PRKCZ: variants seen among roughly 807,000 people sequenced by gnomAD.
PRKCZ encodes the protein protein kinase C zeta type.
A neutral mutation model predicts 79.5 loss-of-function variants in PRKCZ; 33 were observed. That is an observed-to-expected ratio of 0.41 (90% CI 0.31 to 0.55). The LOEUF (loss-of-function observed/expected upper bound fraction) is 0.55. Among genes scored for constraint, PRKCZ ranks in the 20% least tolerant of loss-of-function variants. The pLI is 0.19. For missense variants in PRKCZ, 578 were observed against 813.5 expected (o/e 0.71, Z 3.52); for synonymous variants, 342 against 320.9 (o/e 1.07, Z -0.70).
At chr1:2,055,884 C>A in intron 2 of PRKCZ, 1 of 264,568 alleles carries the variant, frequency 3.8e-6, no homozygotes. Context: ...TCGGTAGGTG[C>A]TTCTGAAAGG....
At chr1:2,078,415 T>G (rs956087624) in intron 4 of PRKCZ, among the ~76,000 whole-genome samples, 2 of 152,230 alleles carry the variant, frequency 1.3e-5, no homozygotes, top group African/African-American at 4.8e-5. Flanking sequence ...TCTTCTGGCT[T>G]CTTGTGTGAC....
At chr1:2,050,223 C>G (rs1323170121), upstream of PRKCZ, among the ~76,000 whole-genome samples, 2 of 151,888 alleles carry the variant, frequency 1.3e-5, no homozygotes, top group African/African-American at 4.8e-5. Context: ...CGCCGCGCCC[C>G]GCCCAACAGG....
In PRKCZ at chr1:2,062,482, CT is replaced by C. The variant is rs61178553; in HGVS notation, c.334+2909del. Among the ~76,000 whole-genome samples the C allele has an allele frequency of 7.4e-3, 986 of 133,874 alleles. 1 individual carries two copies. The highest frequency in any genetic ancestry group is 0.024 in the East Asian group (108 of 4,418). The allele number at this position is 133,874 out of a possible 152,430, so 87.8% of individuals were successfully genotyped here. On this transcript the variant is annotated intron_variant, in intron 4 of 17. Coordinates refer to ENST00000378567, the MANE Select transcript of PRKCZ (RefSeq NM_002744.6). ...ATAACATCTATTTTTGCCATCTTAA[CT>C]TTTTTTTTTTTTTTTTTGGCAGAGG... is the stretch of plus-strand genomic sequence containing the variant.
chr1:2,069,220 C>T (rs1661368067), intron 4 of PRKCZ, among the ~76,000 whole-genome samples: 2 of 152,168 alleles, frequency 1.3e-5, no homozygotes, highest in African/African-American at 4.8e-5. Flanking sequence ...AAACTGAGAT[C>T]CTCTAGCCTT....
intron 4 of PRKCZ, among the ~76,000 whole-genome samples, chr1:2,068,815 T>C (rs1166398633): frequency 3.3e-5 from 5 of 152,298 alleles, no homozygotes; most frequent in African/African-American, 9.6e-5. Flanking sequence ...GCGCTGGTCA[T>C]TGGGACCATG....
chr1:2,088,660 C>G (rs1358857439), intron 4 of PRKCZ, among the ~76,000 whole-genome samples: 8 of 152,324 alleles, frequency 5.3e-5, no homozygotes, highest in African/African-American at 1.9e-4. Context: ...CTTTCTAGGT[C>G]AGGCTGTGGG....
chr1:2,157,981 G>A (rs1165580796), intron 10 of PRKCZ, among the ~76,000 whole-genome samples: 3 of 152,212 alleles, frequency 2.0e-5, no homozygotes, highest in African/African-American at 7.2e-5. Flanking sequence ...CTGCTGCTCG[G>A]TTCTTAGCTG....
At chr1:2,176,983 C>T (rs956569131) in intron 16 of PRKCZ, among the ~76,000 whole-genome samples, 7 of 152,224 alleles carry the variant, frequency 4.6e-5, no homozygotes, top group African/African-American at 1.4e-4. Context: ...GAATCACCTT[C>T]GCAAATTCTT....
In PRKCZ at chr1:2,113,936, C is replaced by T. The variant is rs561080827; in HGVS notation, c.335-21326C>T. On this transcript the variant is annotated intron_variant, in intron 4 of 17. Coordinates refer to ENST00000378567, the MANE Select transcript of PRKCZ (RefSeq NM_002744.6). The stretch of plus-strand genomic sequence containing the variant: ...TGGGAGTGTAGAGAGGGCGGGGGCC[C>T]AGCCCACAGCATCCATGCCCTGGGG... Among the ~76,000 whole-genome samples, 175 of 152,164 alleles carry T rather than the reference C, an allele frequency of 1.2e-3. 2 individuals are homozygous for T. The highest frequency in any genetic ancestry group is 4.0e-3 in the African/African-American group (167 of 41,488).
chr1:2,147,289 CATCT>C (rs1054484251), intron 7 of PRKCZ, among the ~76,000 whole-genome samples: 8 of 149,532 alleles, frequency 5.4e-5, no homozygotes, highest in Non-Finnish European at 8.9e-5. Flanking sequence ...CCTCTCCACC[CATCT>C]ATCTGTTGTC....
In PRKCZ at chr1:2,082,982, C is replaced by T. The variant is rs988219257; in HGVS notation, c.334+23391C>T. Reference sequence around the variant, plus strand: ...GGCACAGGTGAAGGACAGGTGTCCACACCTTGGGTGCCCCCGTCCTCCCTC... The same window carrying T: ...GGCACAGGTGAAGGACAGGTGTCCATACCTTGGGTGCCCCCGTCCTCCCTC... On this transcript the variant is annotated intron_variant, in intron 4 of 17. Transcript: ENST00000378567. This position sits in a 1 kb window ranked among gnomAD's most constrained non-coding sequence, Gnocchi z 4.4. Among the ~76,000 whole-genome samples the T allele has an allele frequency of 2.0e-5, 3 of 152,150 alleles. No homozygotes were observed. The highest frequency in any genetic ancestry group is 4.4e-5 in the Non-Finnish European group (3 of 68,006).
At chr1:2,142,954 A>G (rs983812355) in intron 5 of PRKCZ, 1 of 146,340 alleles carries the variant, frequency 6.8e-6, no homozygotes, top group African/African-American at 2.6e-5. Flanking sequence ...TCAGTGCTGT[A>G]TTTTCTCTTC....
chr1:2,070,322 G>C (rs1477029563), intron 4 of PRKCZ, among the ~76,000 whole-genome samples: 1 of 152,148 alleles, frequency 6.6e-6, no homozygotes, highest in African/African-American at 2.4e-5. Context: ...TGTCACTTAG[G>C]GTGGTCCCGG....
rs1172996454 is a variant in PRKCZ at position 2,149,836 on chromosome 1, G to C, written c.687+912G>C. 6.6e-6 allele frequency among the ~76,000 whole-genome samples: 1 copy of C among 152,020 alleles called. No individual in the cohort carries two copies. Among genetic ancestry groups the C allele is most frequent in the African/African-American group, 2.4e-5 (1 of 41,364 alleles). ...AGATCGCACCACTGCACTCCAGCCT[G>C]GGCGACAGAGGAAGAGTCTGTCTCA... is the stretch of plus-strand genomic sequence containing the variant. On this transcript the variant is annotated intron_variant, in intron 8 of 17. Transcript: ENST00000378567. The surrounding 1 kb of genome is among the most constrained non-coding windows in gnomAD (Gnocchi z 4.1).
At chr1:2,096,081 A>G (rs1043938249) in intron 4 of PRKCZ, among the ~76,000 whole-genome samples, 1 of 151,410 alleles carries the variant, frequency 6.6e-6, no homozygotes, top group African/African-American at 2.4e-5. Context: ...AGGAGCAGGC[A>G]TAGTCCCAGG....
At chr1:2,161,675 G>C (rs903700152) in intron 10 of PRKCZ, among the ~76,000 whole-genome samples, 4 of 152,200 alleles carry the variant, frequency 2.6e-5, no homozygotes, top group African/African-American at 9.6e-5. Context: ...TCGGGGTCAC[G>C]TTAGGACCGG....
intron 4 of PRKCZ, among the ~76,000 whole-genome samples, chr1:2,106,412 G>A (rs1302767382): frequency 6.6e-6 from 1 of 151,708 alleles, no homozygotes; most frequent in Non-Finnish European, 1.5e-5. Flanking sequence ...AGCCCCTCTA[G>A]TGGGCGAGGA....
chr1:2,062,187 C>T (rs555510773), intron 4 of PRKCZ, among the ~76,000 whole-genome samples: 9 of 152,318 alleles, frequency 5.9e-5, no homozygotes, highest in African/African-American at 2.2e-4. Context: ...ATACTTACAA[C>T]TATCATCTCT....
At chr1:2,061,580 C>T (rs547818366) in intron 4 of PRKCZ, among the ~76,000 whole-genome samples, 47 of 152,188 alleles carry the variant, frequency 3.1e-4, no homozygotes, top group Non-Finnish European at 3.5e-4. Context: ...GGCTCCACGG[C>T]TTCGGGGACC....
Sources: gnomAD v4.1 joint callset for allele counts (sites outside exome capture counted in the v4.1 genomes callset) on GRCh38, gnomAD v4.1.1 for gene constraint, Gnocchi (gnomAD v3.1) non-coding constraint, MANE v1.5 for transcripts, NCBI Gene and HGNC (gene_info 2026-07-23, HGNC 2026-07-21) for gene names.